ATXN10: variants seen among roughly 807,000 people sequenced by gnomAD.
ATXN10 encodes ataxin 10.
A neutral mutation model predicts 52.9 loss-of-function variants in ATXN10; 28 were observed. The ratio of observed to expected loss-of-function variants is 0.53; its 90% confidence interval spans 0.39 to 0.73. The LOEUF (loss-of-function observed/expected upper bound fraction) is 0.73, where lower values mean the gene tolerates loss of function less well. ATXN10 is among the 30% of genes least tolerant of loss of function. The pLI is 0.00. For missense variants in ATXN10, 565 were observed against 577.0 expected (o/e 0.98, Z 0.21); for synonymous variants, 226 against 221.5 (o/e 1.02, Z -0.18).
rs77615026 is a variant in ATXN10, at chr22:45,679,738, A to G, written c.116+7559A>G. ...AGTTACACTATAAAAAGCATATTTT[A>G]GAGTGTGCTGGCAATTTCCTTTATT... On this transcript the variant is annotated intron_variant, in intron 1 of 11. Coordinates refer to ENST00000252934, the MANE Select transcript of ATXN10 (RefSeq NM_013236.4). 4.6e-3 allele frequency: 705 copies of G among 152,368 alleles called. 6 individuals carry two copies. The highest frequency in any genetic ancestry group is 0.016 in the African/African-American group (661 of 41,580). 9.4% of individuals were successfully genotyped at this position (152,368 alleles called of 1,614,324 possible).
intron 6 of ATXN10, among the ~76,000 whole-genome samples, chr22:45,721,598 C>T (rs1288109137): frequency 6.6e-6 from 1 of 152,176 alleles, no homozygotes; most frequent in African/African-American, 2.4e-5. Context: ...ATTTCTGCTT[C>T]CATGCTCTTA....
rs1926092237 is a variant in ATXN10 at position 45,754,123 on chromosome 22, G to T, written c.1173+13585G>T. Among the ~76,000 whole-genome samples the T allele has an allele frequency of 6.6e-6, 1 of 152,230 alleles. No homozygotes were observed. Among genetic ancestry groups the T allele is most frequent in the Non-Finnish European group, 1.5e-5 (1 of 68,050 alleles). On this transcript the variant is annotated intron_variant, in intron 9 of 11. Coordinates refer to ENST00000252934, the MANE Select transcript of ATXN10 (RefSeq NM_013236.4). This position sits in a 1 kb window ranked among gnomAD's most constrained non-coding sequence, Gnocchi z 5.4. ...GGGTTCCTGAGCCTTATGGGGTTAA[G>T]TGCAAAAGTGAGTCCTGTCAGCTAA...
intron 3 of ATXN10, among the ~76,000 whole-genome samples, chr22:45,695,697 T>C (rs1203463645): frequency 6.6e-6 from 1 of 152,028 alleles, no homozygotes; most frequent in Non-Finnish European, 1.5e-5. Context: ...GGGTTTCACC[T>C]TGGCCAGGCA....
At chr22:45,672,396 C>T (rs919270420) in intron 1 of ATXN10, 22 of 301,986 alleles carry the variant, frequency 7.3e-5, no homozygotes, top group Non-Finnish European at 1.1e-4. Context: ...GCCCCGCTCC[C>T]CCACCGCAGC....
rs1923017945 is a variant in ATXN10 at position 45,683,629 on chromosome 22, T to C, written c.117-6083T>C. Among the ~76,000 whole-genome samples the C allele has an allele frequency of 6.6e-6, 1 of 152,228 alleles. No homozygotes were observed. Among genetic ancestry groups the C allele is most frequent in the Non-Finnish European group, 1.5e-5 (1 of 68,034 alleles). ...ATATCTTATGTACAAAATCTTTCTC[T>C]AAGCATGTAAAGACATTCTCCTTAT... On this transcript the variant is annotated intron_variant, in intron 1 of 11. Transcript: ENST00000252934. This position sits in a 1 kb window ranked among gnomAD's most constrained non-coding sequence, Gnocchi z 4.8.
chr22:45,843,758 A>C lies in ATXN10; in HGVS notation c.*87A>C. 3.1e-6 allele frequency: 4 copies of C among 1,309,894 alleles called. No homozygotes were observed. The highest frequency in any genetic ancestry group is 3.3e-6 in the Non-Finnish European group (3 of 915,402). The allele number at this position is 1,309,894 out of a possible 1,614,324, so 81.1% of individuals were successfully genotyped here. A position where few individuals can be genotyped will look rare whatever the true frequency, so the allele number is the denominator to read the frequency against. ...CGTATGTGAAATTGCAAGTGTTTGAAGATTTATAAGTACAAATTTGGGAAC... is the reference window on the plus strand; with the variant it reads ...CGTATGTGAAATTGCAAGTGTTTGACGATTTATAAGTACAAATTTGGGAAC... On this transcript the variant is annotated 3_prime_UTR_variant, in exon 12 of 12. Transcript: ENST00000252934. This position sits in a 1 kb window ranked among gnomAD's most constrained non-coding sequence, Gnocchi z 4.5.
chr22:45,771,841 T>C (rs530224378), intron 9 of ATXN10, among the ~76,000 whole-genome samples: 2 of 152,186 alleles, frequency 1.3e-5, no homozygotes, highest in Non-Finnish European at 2.9e-5. Context: ...CAGACTGACC[T>C]CAAATTCCTT....
Position 45,672,052 on chromosome 22 carries a change from G to C in ATXN10, c.-12G>C. 1.3e-6 allele frequency: 2 copies of C among 1,535,478 alleles called. No individual in the cohort carries two copies. The highest frequency in any genetic ancestry group is 8.7e-7 in the Non-Finnish European group (1 of 1,144,720). On this transcript the variant is annotated 5_prime_UTR_variant, in exon 1 of 12. Transcript: ENST00000252934. Reference sequence around the variant, plus strand: ...CCTCCTCGTCAGGCTCGACCCAGCTGTGAGCGGCAAGATGGCGGCGCCCAG... The same window carrying C: ...CCTCCTCGTCAGGCTCGACCCAGCTCTGAGCGGCAAGATGGCGGCGCCCAG...
At position 45,678,607 on chromosome 22, in the gene ATXN10, T is replaced by C. The variant is rs1009404299; in HGVS notation, c.116+6428T>C. 1.2e-4 allele frequency: 19 copies of C among 152,226 alleles called. No homozygotes were observed. The highest frequency in any genetic ancestry group is 4.3e-4 in the African/African-American group (18 of 41,462). 9.4% of individuals were successfully genotyped at this position (152,226 alleles called of 1,614,324 possible). A position where few individuals can be genotyped will look rare whatever the true frequency, so the allele number is the denominator to read the frequency against. On this transcript the variant is annotated intron_variant, in intron 1 of 11. Coordinates refer to ENST00000252934, the MANE Select transcript of ATXN10 (RefSeq NM_013236.4). This position sits in a 1 kb window ranked among gnomAD's most constrained non-coding sequence, Gnocchi z 4.1. ...GTGCCTTTCTTGAAGGGAGGGACTT[T>C]ATGGTGTTTCTTAGCAGGGTGCCTG... is the stretch of plus-strand genomic sequence containing the variant.
intron 4 of ATXN10, among the ~76,000 whole-genome samples, chr22:45,700,750 TA>T (rs1923811664): frequency 6.6e-6 from 1 of 152,214 alleles, no homozygotes; most frequent in South Asian, 2.1e-4. Flanking sequence ...GAAACACAAT[TA>T]AAATAGAGCA....
chr22:45,692,900 C>T, intron 2 of ATXN10, 96 bp from the exon 3 acceptor site: 1 of 985,608 alleles, frequency 1.0e-6, no homozygotes, highest in East Asian at 2.5e-5. Context: ...TAATCTCTGT[C>T]AGATTTCTCA....
At position 45,708,028 on chromosome 22, in the gene ATXN10, C is replaced by T. The variant is rs112264235; in HGVS notation, c.647+5181C>T. Reference sequence around the variant, plus strand: ...TTTTCTTTTCTTCCTTTGCTTGTTTCTTAGAAAAGGGCAAATGTGATTCCA... The same window carrying T: ...TTTTCTTTTCTTCCTTTGCTTGTTTTTTAGAAAAGGGCAAATGTGATTCCA... On this transcript the variant is annotated intron_variant, in intron 5 of 11. Transcript: ENST00000252934. The surrounding 1 kb of genome is among the most constrained non-coding windows in gnomAD (Gnocchi z 5.3). 8.4e-3 allele frequency among the ~76,000 whole-genome samples: 1,282 copies of T among 152,204 alleles called. 11 individuals are homozygous for T. Among genetic ancestry groups the T allele is most frequent in the African/African-American group, 0.029 (1,199 of 41,526 alleles).
rs558377595 is a variant in ATXN10 at position 45,833,955 on chromosome 22, C to T, written c.1238-9036C>T. Among the ~76,000 whole-genome samples, 44 of 152,244 alleles carry T rather than the reference C, an allele frequency of 2.9e-4. No homozygotes were observed. The highest frequency in any genetic ancestry group is 5.1e-4 in the Non-Finnish European group (35 of 68,012). ...CCAGTTGCGGGACCTTGGCCATGTT[C>T]GCCTCTGTGTCTAAGTTTTCTCATC... On this transcript the variant is annotated intron_variant, in intron 10 of 11. Coordinates refer to ENST00000252934, the MANE Select transcript of ATXN10 (RefSeq NM_013236.4). This position sits in a 1 kb window ranked among gnomAD's most constrained non-coding sequence, Gnocchi z 4.3.
rs1923601494 is a variant in ATXN10 at position 45,696,262 on chromosome 22, GT to G, written c.391+3185del. 6.6e-6 allele frequency among the ~76,000 whole-genome samples: 1 copy of G among 152,208 alleles called. No homozygotes were observed. The highest frequency in any genetic ancestry group is 6.5e-5 in the Admixed American group (1 of 15,284). On this transcript the variant is annotated intron_variant, in intron 3 of 11. Transcript: ENST00000252934. This position sits in a 1 kb window ranked among gnomAD's most constrained non-coding sequence, Gnocchi z 4.7. Reference sequence around the variant, plus strand: ...TTAGCAGTAAAGTCCGTGTTTCACAGTGTCACTTGGAAGGGCAGCTATTTTG... The same window carrying G: ...TTAGCAGTAAAGTCCGTGTTTCACAGGTCACTTGGAAGGGCAGCTATTTTG...
In ATXN10 at chr22:45,772,498, T is replaced by C. The variant is rs1478103306; in HGVS notation, c.1173+31960T>C. On this transcript the variant is annotated intron_variant, in intron 9 of 11. Coordinates refer to ENST00000252934, the MANE Select transcript of ATXN10 (RefSeq NM_013236.4). This position sits in a 1 kb window ranked among gnomAD's most constrained non-coding sequence, Gnocchi z 4.1. ...TGTCAATTTACAGTAAATCTTAAAA[T>C]TGGGTAGTGTGATTCATCCAACTTT... Among the ~76,000 whole-genome samples the C allele has an allele frequency of 6.6e-6, 1 of 152,250 alleles. No individual in the cohort carries two copies. Among genetic ancestry groups the C allele is most frequent in the Non-Finnish European group, 1.5e-5 (1 of 68,038 alleles).
chr22:45,771,140 C>T (rs1926762455), intron 9 of ATXN10, among the ~76,000 whole-genome samples: 1 of 152,222 alleles, frequency 6.6e-6, no homozygotes, highest in African/African-American at 2.4e-5. Context: ...AAAACCTCTA[C>T]ACACAAATGT....
chr22:45,799,420 C>T (rs1425761603), intron 9 of ATXN10, among the ~76,000 whole-genome samples: 3 of 152,038 alleles, frequency 2.0e-5, no homozygotes, highest in Non-Finnish European at 4.4e-5. Context: ...TTACTTAAGA[C>T]GAGATCATAC....
chr22:45,707,025 T>G (rs1371051263), intron 5 of ATXN10, among the ~76,000 whole-genome samples: 5 of 151,462 alleles, frequency 3.3e-5, no homozygotes, highest in Admixed American at 3.3e-4. Flanking sequence ...ATTTTCATGC[T>G]CTGTTAAGTA....
intron 9 of ATXN10, among the ~76,000 whole-genome samples, chr22:45,806,302 G>A (rs948326287): frequency 5.9e-5 from 9 of 152,136 alleles, no homozygotes; most frequent in South Asian, 2.1e-4. Flanking sequence ...TTATGAGCAC[G>A]TTTGAACATA....
Sources: allele counts gnomAD v4.1 joint callset (sites outside exome capture counted in the v4.1 genomes callset), GRCh38; gene constraint gnomAD v4.1.1; non-coding constraint Gnocchi (gnomAD v3.1); transcripts MANE v1.5; gene names NCBI Gene and HGNC (gene_info 2026-07-23, HGNC 2026-07-21).